Variants in NAPEPLD observed in about 807,000 individuals in gnomAD.
NAPEPLD encodes the protein N-acyl phosphatidylethanolamine phospholipase D, also known as N-acyl-phosphatidylethanolamine-hydrolyzing phospholipase D.
NAPEPLD carries 23 observed loss-of-function variants against 38.1 expected under a neutral mutation model. The ratio of observed to expected loss-of-function variants is 0.60; its 90% CI spans 0.43 to 0.86. The LOEUF (loss-of-function observed/expected upper bound fraction) is 0.86. Among genes scored for constraint, NAPEPLD ranks in the 40% least tolerant of loss-of-function variants. The pLI, the probability that NAPEPLD is intolerant of heterozygous loss-of-function variation, is 0.00. For missense variants in NAPEPLD, 411 were observed against 476.8 expected, an observed-to-expected ratio of 0.86 and a Z score of 1.28; for synonymous variants, 147 against 162.0, an observed-to-expected ratio of 0.91 and a Z score of 0.71.
chr7:103,130,070 G>C (rs955824003), intron 1 of NAPEPLD, among the ~76,000 whole-genome samples: 3 of 152,100 alleles, frequency 2.0e-5, no homozygotes, highest in Admixed American at 2.0e-4. Flanking sequence ...TTTGCTTTCT[G>C]TTTCATTAGT....
Position 103,119,993 on chromosome 7 carries a change from G to C in NAPEPLD, c.525C>G (p.Leu175=). ...FRRSPCTISE[L]PPIDAVLISH... is the part of the protein sequence containing the mutation. ...TGATAAGGACCGCATCTATTGGAGGGAGTTCACTTATTGTGCACGGGGAAC... is the reference window on the plus strand; with the variant it reads ...TGATAAGGACCGCATCTATTGGAGGCAGTTCACTTATTGTGCACGGGGAAC... The change falls in exon 3 of 5, where the codon CTC becomes CTG. Residue 175 remains leucine (L), a synonymous_variant. Transcript: ENST00000465647. 1 of 1,614,188 alleles carries C rather than the reference G, an allele frequency of 6.2e-7. No individual in the cohort carries two copies. Among genetic ancestry groups the C allele is most frequent in the Non-Finnish European group, 8.5e-7 (1 of 1,180,036 alleles).
chr7:103,105,764 C>T (rs936976906), intron 4 of NAPEPLD, among the ~76,000 whole-genome samples: 9 of 152,038 alleles, frequency 5.9e-5, no homozygotes, highest in Non-Finnish European at 1.0e-4. Context: ...AAAACCCTGT[C>T]TCTACTAAAA....
chr7:103,116,877 G>T (rs1258866345), intron 3 of NAPEPLD, among the ~76,000 whole-genome samples: 2 of 152,138 alleles, frequency 1.3e-5, no homozygotes, highest in African/African-American at 4.8e-5. Context: ...TTATGTGAGG[G>T]TATTGTGAGG....
chr7:103,129,904 C>T (rs780577304), intron 1 of NAPEPLD, among the ~76,000 whole-genome samples: 8 of 152,206 alleles, frequency 5.3e-5, no homozygotes, highest in Non-Finnish European at 8.8e-5. Flanking sequence ...TCAATGTCAG[C>T]TGTTGCTGCT....
At chr7:103,133,366 T>C (rs1393273022) in intron 1 of NAPEPLD, among the ~76,000 whole-genome samples, 1 of 152,216 alleles carries the variant, frequency 6.6e-6, no homozygotes, top group African/African-American at 2.4e-5. Flanking sequence ...CACGATGCAC[T>C]GTTGAAAGGG....
intron 1 of NAPEPLD, chr7:103,141,886 GC>G: frequency 9.8e-7 from 1 of 1,025,194 alleles, no homozygotes; most frequent in Non-Finnish European, 1.6e-6. Context: ...TATTCTTCTT[GC>G]CACAGCAGAG....
Position 103,112,089 on chromosome 7 carries a change from T to C in NAPEPLD, c.1056+2971A>G, listed in dbSNP as rs186056989. On this transcript the variant is annotated intron_variant, in intron 4 of 4. Coordinates refer to ENST00000465647, the MANE Select transcript of NAPEPLD (RefSeq NM_001122838.3). ...TTATGCCAGTTAGAATGGTGATCAT[T>C]AAAAAGTCAGGAAACAGATGCTGGA... 1.9e-3 allele frequency among the ~76,000 whole-genome samples: 290 copies of C among 152,224 alleles called. 1 individual carries two copies. The highest frequency in any genetic ancestry group is 0.01 in the Middle Eastern group (3 of 294).
intron 1 of NAPEPLD, among the ~76,000 whole-genome samples, chr7:103,145,760 T>A (rs1465010886): frequency 6.6e-6 from 1 of 152,092 alleles, no homozygotes; most frequent in East Asian, 1.9e-4. Flanking sequence ...GGACTACGTA[T>A]CAGCCATGCT....
In NAPEPLD at chr7:103,101,771, G is replaced by A. The variant is rs13242079; in HGVS notation, c.*1658C>T. 133,723 of 152,524 alleles carry A rather than the reference G, an allele frequency of 0.88. 61,316 individuals are homozygous for A. The highest frequency in any genetic ancestry group is 1 in the East Asian group (5,180 of 5,180). The allele number at this position is 152,524 out of a possible 1,614,324, so 9.4% of individuals were successfully genotyped here. On this transcript the variant is annotated 3_prime_UTR_variant, in exon 5 of 5. Transcript: ENST00000465647. ...TAAAAGTTCAGATTTAGTGGCTAAC[G>A]TGGCACCACACATACAGGTGTGCAA...
At position 103,122,785 on chromosome 7, in the gene NAPEPLD, T is replaced by C. The variant is rs1360881582; in HGVS notation, c.295-2562A>G. On this transcript the variant is annotated intron_variant, in intron 2 of 4. Transcript: ENST00000465647. Reference sequence around the variant, plus strand: ...CGTGGAGCTACTAACCTAGTTAAGATGCTAAGAAATATTCAGACATTCAAA... The same window carrying C: ...CGTGGAGCTACTAACCTAGTTAAGACGCTAAGAAATATTCAGACATTCAAA... Among the ~76,000 whole-genome samples the C allele has an allele frequency of 2.0e-5, 3 of 152,204 alleles. No individual in the cohort carries two copies. The East Asian group carries it at 5.8e-4, about 29-fold the overall frequency.
intron 1 of NAPEPLD, among the ~76,000 whole-genome samples, chr7:103,140,387 C>CTTTTTTTTTTTTTTT (rs377763676): frequency 1.1e-5 from 1 of 92,622 alleles, no homozygotes; most frequent in African/African-American, 4.3e-5. Flanking sequence ...TCACAGAACT[C>CTTTTTTTTTTTTTTT]TTTTTTTTTT....
At chr7:103,130,845 C>T (rs1377596204) in intron 1 of NAPEPLD, among the ~76,000 whole-genome samples, 1 of 152,108 alleles carries the variant, frequency 6.6e-6, no homozygotes, top group Non-Finnish European at 1.5e-5. Context: ...AATCTGCTTG[C>T]CTCCTCGGAC....
intron 1 of NAPEPLD, among the ~76,000 whole-genome samples, chr7:103,142,287 A>G (rs1458603265): frequency 6.6e-6 from 1 of 151,778 alleles, no homozygotes; most frequent in Admixed American, 6.6e-5. Context: ...GTGGGATGGG[A>G]AGACTAACCA....
intron 1 of NAPEPLD, among the ~76,000 whole-genome samples, chr7:103,130,006 G>A (rs939391134): frequency 3.3e-5 from 5 of 152,122 alleles, no homozygotes; most frequent in African/African-American, 1.2e-4. Context: ...ATACACAAAA[G>A]TGATAAGTAA....
intron 1 of NAPEPLD, among the ~76,000 whole-genome samples, chr7:103,133,115 A>G (rs1241168874): frequency 1.3e-5 from 2 of 152,222 alleles, no homozygotes; most frequent in African/African-American, 4.8e-5. Flanking sequence ...AAAGGTCAGC[A>G]TGATGGTTCA....
At chr7:103,143,309 G>A (rs1057167693) in intron 1 of NAPEPLD, among the ~76,000 whole-genome samples, 9 of 151,920 alleles carry the variant, frequency 5.9e-5, no homozygotes, top group Admixed American at 5.9e-4. Flanking sequence ...GTGGTAAAGC[G>A]GCAGCACAGT....
intron 1 of NAPEPLD, among the ~76,000 whole-genome samples, chr7:103,132,046 G>A (rs746065544): frequency 5.9e-5 from 9 of 152,266 alleles, no homozygotes; most frequent in Non-Finnish European, 8.8e-5. Context: ...CCCAGGAGGC[G>A]GAGGTTGCGG....
chr7:103,110,607 C>T (rs1179606553), intron 4 of NAPEPLD, among the ~76,000 whole-genome samples: 1 of 152,136 alleles, frequency 6.6e-6, no homozygotes, highest in Non-Finnish European at 1.5e-5. Context: ...TTATGACAAA[C>T]CCACAGCCAA....
chr7:103,129,971 G>A (rs951117686), intron 1 of NAPEPLD, among the ~76,000 whole-genome samples: 3 of 152,156 alleles, frequency 2.0e-5, no homozygotes, highest in Admixed American at 2.0e-4. Context: ...TAAAATCCCT[G>A]ATTTTGACCT....
Sources: gnomAD v4.1 joint callset for allele counts (sites outside exome capture counted in the v4.1 genomes callset) on GRCh38, gnomAD v4.1.1 for gene constraint, MANE v1.5 for transcripts, NCBI Gene and HGNC (gene_info 2026-07-23, HGNC 2026-07-21) for gene names.